Variants in SLC4A5 observed in about 807,000 individuals in gnomAD.
The protein encoded by SLC4A5 is electrogenic sodium bicarbonate cotransporter 4.
Under a neutral mutation model 120.4 loss-of-function variants are expected in SLC4A5, and 96 were observed. The ratio of observed to expected loss-of-function variants is 0.80; its 90% CI spans 0.68 to 0.94. The LOEUF (loss-of-function observed/expected upper bound fraction) is 0.94, where lower values mean the gene tolerates loss of function less well. Among genes scored for constraint, SLC4A5 ranks in the 40% least tolerant of loss-of-function variants. The pLI, the probability that SLC4A5 is intolerant of heterozygous loss-of-function variation, is 0.00. For missense variants in SLC4A5, 1,259 were observed against 1,459.5 expected (o/e 0.86, Z 2.24); for synonymous variants, 550 against 571.1 (o/e 0.96, Z 0.53).
At chr2:74,271,927 A>G (rs1392579448) in intron 8 of SLC4A5, among the ~76,000 whole-genome samples, 1 of 152,076 alleles carries the variant, frequency 6.6e-6, no homozygotes, top group Non-Finnish European at 1.5e-5. Context: ...TACAAAAAAT[A>G]AAATAATTAG....
At chr2:74,267,778 C>T (rs1573044911) in intron 8 of SLC4A5, among the ~76,000 whole-genome samples, 2 of 152,162 alleles carry the variant, frequency 1.3e-5, no homozygotes, top group East Asian at 3.9e-4. Context: ...GGTGGATCGC[C>T]TGTGCTCAGG....
chr2:74,285,813 G>A lies in SLC4A5; in HGVS notation c.361C>T (p.Gln121Ter). The A allele has an allele frequency of 1.2e-6, 2 of 1,612,200 alleles. No homozygotes were observed. Among genetic ancestry groups the A allele is most frequent in the Non-Finnish European group, 1.7e-6 (2 of 1,178,640 alleles). The change falls in exon 8 of 31, where the codon CAG (glutamine) becomes TAG (stop). Residue 121 changes from glutamine to a stop codon, truncating the protein, a stop_gained. Coordinates refer to ENST00000394019, the Ensembl canonical transcript of SLC4A5. LOFTEE classifies it high-confidence loss of function. ...CACTCCATCTGGTCTCCGTCATGCT[G>A]CAGAGTATCCATCTCTGTAAAGAGG...
chr2:74,318,750 C>T lies in SLC4A5; in HGVS notation c.-2-3725G>A, dbSNP rs140101060. Among the ~76,000 whole-genome samples the T allele has an allele frequency of 3.5e-3, 529 of 151,546 alleles. 7 individuals carry two copies. Among genetic ancestry groups the T allele is most frequent in the African/African-American group, 0.011 (462 of 41,338 alleles). ...AGGCCGCAGAGAAAACATGCACTGT[C>T]GGTGGGAATGTAAATTAGTACAACC... On this transcript the variant is annotated intron_variant, in intron 5 of 30. Coordinates refer to ENST00000394019, the Ensembl canonical transcript of SLC4A5.
At chr2:74,269,028 G>T (rs1671389532) in intron 8 of SLC4A5, among the ~76,000 whole-genome samples, 1 of 152,234 alleles carries the variant, frequency 6.6e-6, no homozygotes, top group African/African-American at 2.4e-5. Flanking sequence ...CCTGAAACAT[G>T]GGGGCTGGAG....
chr2:74,237,506 T>G (rs1670305803), intron 21 of SLC4A5, among the ~76,000 whole-genome samples: 1 of 152,200 alleles, frequency 6.6e-6, no homozygotes, highest in African/African-American at 2.4e-5. Flanking sequence ...GCAAACTATT[T>G]TTTTACTCAG....
intron 8 of SLC4A5, 92 bp downstream of exon 8, chr2:74,285,681 G>A (rs12617294): frequency 0.099 from 146,890 of 1,490,384 alleles, 8,017 homozygotes; most frequent in East Asian, 0.21. Flanking sequence ...AAGCTCTCAA[G>A]GTACAAGGTG....
intron 7 of SLC4A5, among the ~76,000 whole-genome samples, chr2:74,291,781 C>T (rs543626098): frequency 3.9e-5 from 6 of 152,288 alleles, no homozygotes; most frequent in African/African-American, 1.4e-4. Flanking sequence ...CAAGTATGCC[C>T]GTTTTAAAGC....
intron 5 of SLC4A5, among the ~76,000 whole-genome samples, chr2:74,327,590 C>G (rs1673246928): frequency 6.6e-6 from 1 of 152,148 alleles, no homozygotes; most frequent in Non-Finnish European, 1.5e-5. Flanking sequence ...GGTACCGTAT[C>G]CAAAACCTAA....
chr2:74,245,269 A>T (rs1046753946), intron 19 of SLC4A5, among the ~76,000 whole-genome samples: 1 of 152,202 alleles, frequency 6.6e-6, no homozygotes, highest in Non-Finnish European at 1.5e-5. Context: ...CAGTGAGCCG[A>T]GATCGCGCCA....
rs1694704857 is a variant in SLC4A5 at position 74,222,923 on chromosome 2, CTT to C, written c.3274_3275del (p.Lys1092AspfsTer70). On this transcript the variant is annotated frameshift_variant, in exon 29 of 31. Transcript: ENST00000394019. LOFTEE classifies it high-confidence loss of function. ...CTGATTGGACACTTTCCATGGGAAT[CTT>C]TATAACCGAGGGAGGAGGGAACTGG... 1.2e-6 allele frequency: 2 copies of C among 1,612,404 alleles called. No homozygotes were observed. The highest frequency in any genetic ancestry group is 1.3e-5 in the African/African-American group (1 of 74,804).
chr2:74,305,237 T>C (rs1004659244), intron 6 of SLC4A5, among the ~76,000 whole-genome samples: 3 of 152,170 alleles, frequency 2.0e-5, no homozygotes, highest in African/African-American at 7.2e-5. Flanking sequence ...CTGATTACTA[T>C]TGAAACCCAG....
At chr2:74,336,019 CCTTA>C (rs1381797997) in intron 3 of SLC4A5, among the ~76,000 whole-genome samples, 1 of 152,070 alleles carries the variant, frequency 6.6e-6, no homozygotes, top group African/African-American at 2.4e-5. Flanking sequence ...GCTTTACATA[CCTTA>C]CCTCAATTAA....
intron 5 of SLC4A5, among the ~76,000 whole-genome samples, chr2:74,321,612 G>C (rs1673099848): frequency 6.6e-6 from 1 of 152,072 alleles, no homozygotes; most frequent in African/African-American, 2.4e-5. Context: ...CTCTGGGAAA[G>C]TAAGTTTTTA....
intron 21 of SLC4A5, among the ~76,000 whole-genome samples, chr2:74,235,835 CT>C (rs1454803266): frequency 1.3e-5 from 2 of 152,158 alleles, no homozygotes; most frequent in Non-Finnish European, 2.9e-5. Flanking sequence ...CCTGACCTTC[CT>C]GCCCATTCTG....
At chr2:74,302,558 A>G (rs962933156) in intron 7 of SLC4A5, among the ~76,000 whole-genome samples, 1 of 152,228 alleles carries the variant, frequency 6.6e-6, no homozygotes, top group African/African-American at 2.4e-5. Context: ...CAGAGGTTGT[A>G]GTGAGCCGAG....
At chr2:74,270,667 C>T (rs537688463) in intron 8 of SLC4A5, among the ~76,000 whole-genome samples, 2 of 152,214 alleles carry the variant, frequency 1.3e-5, no homozygotes, top group East Asian at 1.9e-4. Context: ...AGCGAGACTC[C>T]GTCTCAAAAC....
At chr2:74,286,620 C>G (rs558914777) in intron 7 of SLC4A5, among the ~76,000 whole-genome samples, 1 of 152,322 alleles carries the variant, frequency 6.6e-6, no homozygotes, top group South Asian at 2.1e-4. Flanking sequence ...TGTGTCCTTG[C>G]TCTCTTGAGC....
chr2:74,264,600 T>G (rs1043235368), intron 9 of SLC4A5, among the ~76,000 whole-genome samples: 7 of 152,086 alleles, frequency 4.6e-5, no homozygotes, highest in African/African-American at 1.2e-4. Context: ...ACAAAAGTAC[T>G]GTGTTCAATG....
chr2:74,228,132 C>T (rs112755463), intron 25 of SLC4A5, among the ~76,000 whole-genome samples: 13 of 152,290 alleles, frequency 8.5e-5, no homozygotes, highest in African/African-American at 1.2e-4. Flanking sequence ...CTGCACCGTG[C>T]GGAGGCCATG....
Sources: allele counts gnomAD v4.1 joint callset (sites outside exome capture counted in the v4.1 genomes callset), GRCh38; gene constraint gnomAD v4.1.1; transcripts MANE v1.5; gene names NCBI Gene and HGNC (gene_info 2026-07-23, HGNC 2026-07-21).